TESPA1: variants seen among roughly 807,000 people sequenced by gnomAD.
TESPA1 encodes the protein thymocyte expressed, positive selection associated 1, also known as protein TESPA1.
Under a neutral mutation model 57.9 loss-of-function variants are expected in TESPA1, and 33 were observed. The ratio of observed to expected loss-of-function variants is 0.57; its 90% CI spans 0.43 to 0.76. The LOEUF is 0.76. TESPA1 is among the 30% of genes least tolerant of loss of function. The pLI is 0.00. For missense variants in TESPA1, 618 were observed against 632.9 expected (o/e 0.98, Z 0.25); for synonymous variants, 227 against 228.9 (o/e 0.99, Z 0.07).
Position 54,948,081 on chromosome 12 carries a change from G to A in TESPA1, c.*2311C>T, listed in dbSNP as rs1327216525. On this transcript the variant is annotated 3_prime_UTR_variant, in exon 11 of 11. Coordinates refer to ENST00000449076, the MANE Select transcript of TESPA1 (RefSeq NM_001136030.3). ...CAGGCTGAGTCCAAAAAGAGAGTCA[G>A]CAAAGGGAGATAGGGGTGGGGCTGT... 1 of 152,352 alleles carries A rather than the reference G, an allele frequency of 6.6e-6. No homozygotes were observed. Among genetic ancestry groups the A allele is most frequent in the Non-Finnish European group, 1.5e-5 (1 of 68,078 alleles). 9.4% of individuals were successfully genotyped at this position (152,352 alleles called of 1,614,324 possible).
At chr12:54,961,939 A>G (rs1297442353) in intron 9 of TESPA1, among the ~76,000 whole-genome samples, 6 of 152,200 alleles carry the variant, frequency 3.9e-5, no homozygotes, top group African/African-American at 1.4e-4. Flanking sequence ...GGGCACTGGA[A>G]GATAAGGGAA....
chr12:54,969,653 T>C (rs1345040986), intron 3 of TESPA1, among the ~76,000 whole-genome samples: 1 of 152,188 alleles, frequency 6.6e-6, no homozygotes, highest in Non-Finnish European at 1.5e-5. Flanking sequence ...GAGTTACTGC[T>C]GCATGCGAAT....
At chr12:54,955,095 G>A (rs1005712909) in intron 10 of TESPA1, among the ~76,000 whole-genome samples, 7 of 152,124 alleles carry the variant, frequency 4.6e-5, no homozygotes, top group East Asian at 1.9e-4. Flanking sequence ...TTGCGAACAC[G>A]TATCTTTCTT....
At position 54,961,198 on chromosome 12, in the gene TESPA1, G is replaced by T; in HGVS notation, c.1537C>A (p.His513Asn). ...WPSRPRHPHH[H>N]QTFAGKDS ...GAGTCTTTGCCAGCAAAAGTCTGGT[G>T]GTGGTGGGGGTGCCTGGGTCTGCTG... is the stretch of plus-strand genomic sequence containing the variant. Residue 513 changes from histidine to asparagine, a missense_variant, in exon 10 of 11, where the codon CAC becomes AAC. Transcript: ENST00000449076. 1 of 1,613,976 alleles carries T rather than the reference G, an allele frequency of 6.2e-7. No homozygotes were observed. Among genetic ancestry groups the T allele is most frequent in the Non-Finnish European group, 8.5e-7 (1 of 1,179,888 alleles).
chr12:54,949,571 C>T lies in TESPA1; in HGVS notation c.*821G>A, dbSNP rs1950260984. The stretch of plus-strand genomic sequence containing the variant: ...CATGTGCTCAAGCCCTGTTTATTGA[C>T]AAAACATTTAACTTCCAAAGCAAAC... On this transcript the variant is annotated 3_prime_UTR_variant, in exon 11 of 11. Coordinates refer to ENST00000449076, the MANE Select transcript of TESPA1 (RefSeq NM_001136030.3). 1 of 152,286 alleles carries T rather than the reference C, an allele frequency of 6.6e-6. No homozygotes were observed. Among genetic ancestry groups the T allele is most frequent in the Non-Finnish European group, 1.5e-5 (1 of 68,024 alleles). The allele number at this position is 152,286 out of a possible 1,614,324, so 9.4% of individuals were successfully genotyped here. A position where few individuals can be genotyped will look rare whatever the true frequency, so the allele number is the denominator to read the frequency against.
intron 10 of TESPA1, 101 bp downstream of exon 10, chr12:54,961,067 A>C (rs1423386688): frequency 1.5e-6 from 2 of 1,314,824 alleles, no homozygotes; most frequent in African/African-American, 3.0e-5. Context: ...AGAATTACAG[A>C]ATGTGGGACC....
At chr12:54,976,285 C>A (rs905863443) in intron 1 of TESPA1, among the ~76,000 whole-genome samples, 1 of 152,104 alleles carries the variant, frequency 6.6e-6, no homozygotes, top group South Asian at 2.1e-4. Flanking sequence ...GGACAAGAAT[C>A]TAAAAAGTCT....
At chr12:54,967,155 C>T (rs1373722604) in intron 5 of TESPA1, 28 bp downstream of exon 5, 2 of 1,612,320 alleles carry the variant, frequency 1.2e-6, no homozygotes, top group Non-Finnish European at 1.7e-6. Context: ...GTTTTCTCAT[C>T]CCAACCTCAG....
intron 9 of TESPA1, 109 bp downstream of exon 9, chr12:54,962,322 G>T: frequency 7.8e-7 from 1 of 1,283,374 alleles, no homozygotes; most frequent in Non-Finnish European, 1.1e-6. Flanking sequence ...ATCTGGCTAG[G>T]ACAGGAAGCC....
At chr12:54,975,993 A>G (rs1258500985) in intron 1 of TESPA1, among the ~76,000 whole-genome samples, 1 of 152,220 alleles carries the variant, frequency 6.6e-6, no homozygotes, top group Non-Finnish European at 1.5e-5. Context: ...GACGGTAGTT[A>G]GCACTATGAG....
intron 1 of TESPA1, among the ~76,000 whole-genome samples, chr12:54,983,664 T>C (rs543115196): frequency 6.6e-6 from 1 of 152,284 alleles, no homozygotes; most frequent in Admixed American, 6.5e-5. Context: ...TCTGTGGAAC[T>C]CTCCTTTCTT....
chr12:54,970,979 G>A (rs1951795208), intron 3 of TESPA1, among the ~76,000 whole-genome samples: 1 of 152,200 alleles, frequency 6.6e-6, no homozygotes, highest in Admixed American at 6.5e-5. Context: ...AATCCCGAGA[G>A]CTTAGGAGGA....
At chr12:54,971,359 C>G (rs1438713891) in intron 3 of TESPA1, among the ~76,000 whole-genome samples, 2 of 152,236 alleles carry the variant, frequency 1.3e-5, no homozygotes, top group East Asian at 1.9e-4. Flanking sequence ...CGTTTTCCCT[C>G]TATCTTCTTC....
At chr12:54,950,481 GA>G (rs1480710152) in intron 10 of TESPA1, 91 bp from the exon 11 acceptor site, 1 of 369,318 alleles carries the variant, frequency 2.7e-6, no homozygotes, top group Non-Finnish European at 5.3e-6. Flanking sequence ...CTCAGCTGTG[GA>G]AATGTTTCTC....
chr12:54,983,075 C>T (rs1368635591), intron 1 of TESPA1, among the ~76,000 whole-genome samples: 1 of 152,132 alleles, frequency 6.6e-6, no homozygotes, highest in Non-Finnish European at 1.5e-5. Flanking sequence ...CTTACTGTAG[C>T]CCAGAAGGAA....
At chr12:54,971,789 C>A (rs1338996276) in intron 3 of TESPA1, among the ~76,000 whole-genome samples, 1 of 152,036 alleles carries the variant, frequency 6.6e-6, no homozygotes, top group East Asian at 1.9e-4. Context: ...AAAGTCAATT[C>A]TTTTCCTTCT....
intron 10 of TESPA1, among the ~76,000 whole-genome samples, chr12:54,959,077 G>A (rs190291492): frequency 5.3e-5 from 8 of 152,266 alleles, no homozygotes; most frequent in Non-Finnish European, 1.0e-4. Flanking sequence ...GATGTACTGA[G>A]TAAAAGAAAT....
intron 10 of TESPA1, among the ~76,000 whole-genome samples, chr12:54,953,522 C>CTTTTTT (rs1178610425): frequency 1.2e-4 from 16 of 135,378 alleles, no homozygotes; most frequent in African/African-American, 4.5e-4. Flanking sequence ...TTTTTATTTA[C>CTTTTTT]TTTTTTTTTT....
intron 8 of TESPA1, 115 bp from the exon 9 acceptor site, chr12:54,963,357 C>G: frequency 1.9e-6 from 2 of 1,049,870 alleles, no homozygotes; most frequent in Non-Finnish European, 2.7e-6. Context: ...TCCAATTTTC[C>G]TACTAGTGTT....
Sources: gnomAD v4.1 joint callset for allele counts (sites outside exome capture counted in the v4.1 genomes callset) on GRCh38, gnomAD v4.1.1 for gene constraint, MANE v1.5 for transcripts, NCBI Gene and HGNC (gene_info 2026-07-23, HGNC 2026-07-21) for gene names.